The following LHFPL3 variants were observed in gnomAD, a reference collection of about 807,000 sequenced individuals.
LHFPL3 encodes the protein LHFPL tetraspan subfamily member 3, also known as LHFPL tetraspan subfamily member 3 protein.
Under a neutral mutation model 19.3 loss-of-function variants are expected in LHFPL3, and 5 were observed. The ratio of observed to expected loss-of-function variants is 0.26; its 90% CI spans 0.14 to 0.54. The LOEUF is 0.54. LHFPL3 is among the 20% of genes least tolerant of loss of function. The pLI is 0.94. For synonymous variants in LHFPL3, 133 were observed against 126.2 expected, an observed-to-expected ratio of 1.05 and a Z score of -0.36; for missense variants, 249 against 307.4, an observed-to-expected ratio of 0.81 and a Z score of 1.42.
At chr7:104,823,916 C>T (rs1339822228) in intron 2 of LHFPL3, among the ~76,000 whole-genome samples, 4 of 151,500 alleles carry the variant, frequency 2.6e-5, no homozygotes, top group African/African-American at 7.3e-5. Flanking sequence ...GAGGCCAAAA[C>T]GGGTGGATCA....
chr7:104,694,849 G>A (rs774274339), intron 1 of LHFPL3, among the ~76,000 whole-genome samples: 2 of 152,222 alleles, frequency 1.3e-5, no homozygotes, highest in Non-Finnish European at 2.9e-5. Context: ...ATGGCTTGCT[G>A]GGGATTTTAT....
chr7:104,752,898 C>T (rs1433730884), intron 2 of LHFPL3: 1 of 340,924 alleles, frequency 2.9e-6, no homozygotes, highest in East Asian at 4.3e-5. Flanking sequence ...AGCTCACAGC[C>T]TCTCTACCAT....
At chr7:104,386,515 G>A (rs1263009726) in intron 1 of LHFPL3, among the ~76,000 whole-genome samples, 4 of 152,172 alleles carry the variant, frequency 2.6e-5, no homozygotes, top group African/African-American at 9.6e-5. Flanking sequence ...CATCCCTAAG[G>A]CTCTAGAAAG....
chr7:104,565,773 AATCT>A (rs1456554521), intron 1 of LHFPL3, among the ~76,000 whole-genome samples: 1 of 139,260 alleles, frequency 7.2e-6, no homozygotes, highest in African/African-American at 2.8e-5. Context: ...CTATCTATCT[AATCT>A]ATCTATCTGT....
intron 1 of LHFPL3, among the ~76,000 whole-genome samples, chr7:104,680,039 C>A (rs939408229): frequency 1.3e-5 from 2 of 152,158 alleles, no homozygotes; most frequent in Admixed American, 6.5e-5. Context: ...ATCTAGCAAC[C>A]TGCTCAACAT....
At chr7:104,683,830 T>G (rs1792757452) in intron 1 of LHFPL3, among the ~76,000 whole-genome samples, 2 of 152,236 alleles carry the variant, frequency 1.3e-5, no homozygotes, top group Admixed American at 1.3e-4. Flanking sequence ...TTAATCTTAT[T>G]TGCTAAGAAT....
intron 1 of LHFPL3, among the ~76,000 whole-genome samples, chr7:104,472,768 G>A (rs1164696034): frequency 6.6e-6 from 1 of 151,824 alleles, no homozygotes; most frequent in African/African-American, 2.4e-5. Flanking sequence ...TGCACATTTG[G>A]CATATCCTAT....
intron 1 of LHFPL3, among the ~76,000 whole-genome samples, chr7:104,451,332 T>G (rs549497014): frequency 1.3e-5 from 2 of 152,224 alleles, no homozygotes; most frequent in Non-Finnish European, 2.9e-5. Flanking sequence ...GAGGTTAAGA[T>G]AGCTGAAGAA....
intron 1 of LHFPL3, among the ~76,000 whole-genome samples, chr7:104,372,670 G>C (rs1790637706): frequency 6.6e-6 from 1 of 152,180 alleles, no homozygotes; most frequent in Non-Finnish European, 1.5e-5. Flanking sequence ...TTGTAAAATA[G>C]GAGTGATAAT....
intron 1 of LHFPL3, among the ~76,000 whole-genome samples, chr7:104,424,960 C>G (rs10252735): frequency 7.5e-6 from 1 of 133,110 alleles, no homozygotes; most frequent in African/African-American, 2.9e-5. Flanking sequence ...CCAGCCTGGG[C>G]GACAGAGTGA....
intron 1 of LHFPL3, among the ~76,000 whole-genome samples, chr7:104,356,927 A>G (rs1381229000): frequency 6.6e-6 from 1 of 152,222 alleles, no homozygotes. Context: ...CTGCTGCCTG[A>G]GCCAAAAAGG....
chr7:104,881,508 G>A (rs1270582148), intron 2 of LHFPL3, among the ~76,000 whole-genome samples: 2 of 152,206 alleles, frequency 1.3e-5, no homozygotes, highest in African/African-American at 4.8e-5. Flanking sequence ...GGAGCCTGAA[G>A]ATGGGACTGA....
intron 1 of LHFPL3, among the ~76,000 whole-genome samples, chr7:104,598,437 A>G (rs935051156): frequency 6.6e-6 from 1 of 152,200 alleles, no homozygotes; most frequent in African/African-American, 2.4e-5. Context: ...GCTTTCCAGT[A>G]TGATCTTGAA....
intron 1 of LHFPL3, among the ~76,000 whole-genome samples, chr7:104,363,663 G>A (rs552911067): frequency 2.6e-5 from 4 of 152,298 alleles, no homozygotes; most frequent in South Asian, 4.1e-4. Flanking sequence ...GGGAGTGAAC[G>A]CCTCCTTCAA....
chr7:104,562,530 C>G (rs1790028924), intron 1 of LHFPL3, among the ~76,000 whole-genome samples: 2 of 152,180 alleles, frequency 1.3e-5, no homozygotes, highest in East Asian at 3.9e-4. Context: ...GTTTTCAGCT[C>G]CATCAGCTCC....
At chr7:104,765,138 T>G (rs1433570547) in intron 2 of LHFPL3, among the ~76,000 whole-genome samples, 1 of 152,108 alleles carries the variant, frequency 6.6e-6, no homozygotes, top group South Asian at 2.1e-4. Context: ...TTGGGAAAAA[T>G]TTTGTTGGAC....
chr7:104,373,010 C>A (rs1554382931), intron 1 of LHFPL3, among the ~76,000 whole-genome samples: 21 of 63,070 alleles, frequency 3.3e-4, no homozygotes, highest in East Asian at 2.0e-3. Context: ...AAAAAAAAAG[C>A]AGTTCCCTGG....
intron 1 of LHFPL3, among the ~76,000 whole-genome samples, chr7:104,342,499 A>G (rs928899765): frequency 6.6e-6 from 1 of 152,118 alleles, no homozygotes; most frequent in African/African-American, 2.4e-5. Context: ...CTGTTTCCTT[A>G]AATAAAACAA....
rs547598758 is a variant in LHFPL3 at position 104,348,540 on chromosome 7, G to C, written c.445+19316G>C. 1.8e-3 allele frequency among the ~76,000 whole-genome samples: 269 copies of C among 152,288 alleles called. 3 individuals are homozygous for C. The highest frequency in any genetic ancestry group is 1.9e-3 in the South Asian group (9 of 4,822). On this transcript the variant is annotated intron_variant, in intron 1 of 2. Transcript: ENST00000424859. Reference sequence around the variant, plus strand: ...TAGGAAAATTTGGCACTGAAAAAAAGATATTCTGTTAAAATCACATATGTA... The same window carrying C: ...TAGGAAAATTTGGCACTGAAAAAAACATATTCTGTTAAAATCACATATGTA...
Sources: allele counts gnomAD v4.1 joint callset (sites outside exome capture counted in the v4.1 genomes callset), GRCh38; gene constraint gnomAD v4.1.1; transcripts MANE v1.5; gene names NCBI Gene and HGNC (gene_info 2026-07-23, HGNC 2026-07-21).